NKAIN2: variants seen among roughly 807,000 people sequenced by gnomAD.
The protein encoded by NKAIN2 is sodium/potassium-transporting ATPase subunit beta-1-interacting protein 2.
In NKAIN2, 14 loss-of-function variants were observed where a neutral mutation model predicts 32.6. That is an observed-to-expected ratio of 0.43 (90% CI 0.28 to 0.67). The LOEUF (loss-of-function observed/expected upper bound fraction) is 0.67. Among genes scored for constraint, NKAIN2 ranks in the 30% least tolerant of loss-of-function variants. The pLI is 0.17. For missense variants in NKAIN2, 198 were observed against 258.3 expected, an observed-to-expected ratio of 0.77 and a Z score of 1.60; for synonymous variants, 80 against 87.2, an observed-to-expected ratio of 0.92 and a Z score of 0.46.
At chr6:124,260,689 G>A (rs1402008030) in intron 1 of NKAIN2, among the ~76,000 whole-genome samples, 8 of 152,044 alleles carry the variant, frequency 5.3e-5, no homozygotes, top group Non-Finnish European at 1.2e-4. Flanking sequence ...TTTAGCAGAG[G>A]GGTGACATGA....
chr6:124,744,522 A>G (rs549987794), intron 4 of NKAIN2, among the ~76,000 whole-genome samples: 121 of 151,238 alleles, frequency 8.0e-4, no homozygotes, highest in African/African-American at 2.8e-3. Flanking sequence ...TTTTTTTTTC[A>G]ATTTTCCTTC....
intron 1 of NKAIN2, among the ~76,000 whole-genome samples, chr6:123,836,237 A>G (rs1460780912): frequency 6.6e-6 from 1 of 151,992 alleles, no homozygotes; most frequent in Admixed American, 6.6e-5. Context: ...AAGGGAATTG[A>G]GTAGGCTGGA....
chr6:123,917,496 T>C (rs942589301), intron 1 of NKAIN2, among the ~76,000 whole-genome samples: 1 of 152,210 alleles, frequency 6.6e-6, no homozygotes, highest in African/African-American at 2.4e-5. Flanking sequence ...GTAAAACTTA[T>C]CAATTGAAAT....
intron 2 of NKAIN2, among the ~76,000 whole-genome samples, chr6:124,354,844 G>GAAAA (rs3054410): frequency 1.4e-3 from 139 of 100,738 alleles, no homozygotes; most frequent in African/African-American, 2.7e-3. Context: ...ATAACAGTAA[G>GAAAA]AAAAAAAAAA....
chr6:123,813,144 A>G (rs1773548789), intron 1 of NKAIN2, among the ~76,000 whole-genome samples: 1 of 152,246 alleles, frequency 6.6e-6, no homozygotes, highest in Non-Finnish European at 1.5e-5. Context: ...AACAAAAGTT[A>G]TAAGAACCTC....
At chr6:123,890,863 C>G (rs570553939) in intron 1 of NKAIN2, among the ~76,000 whole-genome samples, 1 of 152,100 alleles carries the variant, frequency 6.6e-6, no homozygotes, top group Non-Finnish European at 1.5e-5. Flanking sequence ...AACAGGGACT[C>G]AAACAAATAC....
chr6:124,656,241 A>G (rs529964712), intron 3 of NKAIN2, among the ~76,000 whole-genome samples: 2 of 152,330 alleles, frequency 1.3e-5, no homozygotes, highest in Non-Finnish European at 2.9e-5. Context: ...GGTTACTTCC[A>G]GATAATAACA....
chr6:124,361,121 G>A (rs534576888), intron 3 of NKAIN2, among the ~76,000 whole-genome samples: 1 of 152,034 alleles, frequency 6.6e-6, no homozygotes, highest in Non-Finnish European at 1.5e-5. Flanking sequence ...TAAGTTGAAA[G>A]TATATAGCAG....
intron 3 of NKAIN2, among the ~76,000 whole-genome samples, chr6:124,473,267 T>C (rs1236112587): frequency 1.3e-5 from 2 of 152,296 alleles, no homozygotes; most frequent in African/African-American, 2.4e-5. Context: ...AGGGCTTCAT[T>C]ATGGGAGATG....
chr6:123,820,787 G>A (rs530774585), intron 1 of NKAIN2, among the ~76,000 whole-genome samples: 5 of 152,102 alleles, frequency 3.3e-5, no homozygotes, highest in South Asian at 4.1e-4. Context: ...CTATTTAGCC[G>A]TACCCCTCAA....
chr6:124,081,981 C>T (rs1174212491), intron 1 of NKAIN2, among the ~76,000 whole-genome samples: 3 of 151,968 alleles, frequency 2.0e-5, no homozygotes, highest in African/African-American at 4.8e-5. Context: ...GGAGTAAATT[C>T]AATCCACCCC....
rs558425089 is a variant in NKAIN2, at chr6:124,575,005, A to G, written c.274-83181A>G. On this transcript the variant is annotated intron_variant, in intron 3 of 6. Coordinates refer to ENST00000368417, the MANE Select transcript of NKAIN2 (RefSeq NM_001040214.3). ...AGTGCCTTGATACCAGTGTATAAAA[A>G]TCTACCACAGGTTTATCTTAGAGAT... Among the ~76,000 whole-genome samples the G allele has an allele frequency of 7.2e-5, 11 of 152,354 alleles. No individual in the cohort carries two copies. The East Asian group carries it at 2.1e-3, about 29-fold the overall frequency.
intron 1 of NKAIN2, among the ~76,000 whole-genome samples, chr6:123,872,899 A>G (rs1180883708): frequency 6.6e-6 from 1 of 152,202 alleles, no homozygotes; most frequent in African/African-American, 2.4e-5. Flanking sequence ...AACACCTAAA[A>G]TTATTATTGG....
intron 3 of NKAIN2, among the ~76,000 whole-genome samples, chr6:124,526,455 T>C (rs1009896807): frequency 4.6e-5 from 7 of 152,134 alleles, no homozygotes; most frequent in African/African-American, 1.7e-4. Context: ...TGGTGAATGC[T>C]TCCAGGTCTT....
chr6:124,217,602 A>G (rs990820723), intron 1 of NKAIN2, among the ~76,000 whole-genome samples: 12 of 152,098 alleles, frequency 7.9e-5, no homozygotes, highest in Non-Finnish European at 1.6e-4. Flanking sequence ...GGTATTTTAA[A>G]CATTTGGTAA....
intron 1 of NKAIN2, among the ~76,000 whole-genome samples, chr6:124,183,593 T>C (rs2114553762): frequency 6.6e-6 from 1 of 152,114 alleles, no homozygotes; most frequent in South Asian, 2.1e-4. Flanking sequence ...ATTGGAATAT[T>C]TTTCTAAAAG....
intron 1 of NKAIN2, among the ~76,000 whole-genome samples, chr6:124,084,188 G>A (rs997594610): frequency 2.0e-5 from 3 of 151,884 alleles, no homozygotes; most frequent in Non-Finnish European, 4.4e-5. Flanking sequence ...CCTAAGTTTA[G>A]GACATTATAT....
intron 3 of NKAIN2, among the ~76,000 whole-genome samples, chr6:124,411,984 G>T (rs1378938487): frequency 1.3e-5 from 2 of 152,104 alleles, no homozygotes; most frequent in Non-Finnish European, 2.9e-5. Flanking sequence ...GGTTACTGAG[G>T]CTTGTGCATT....
intron 4 of NKAIN2, among the ~76,000 whole-genome samples, chr6:124,661,549 T>C (rs142098329): frequency 5.9e-5 from 9 of 152,302 alleles, no homozygotes; most frequent in Middle Eastern, 6.8e-3. Flanking sequence ...ATACATAAGA[T>C]ATCTCCAATC....
Sources: allele counts gnomAD v4.1 joint callset (sites outside exome capture counted in the v4.1 genomes callset), GRCh38; gene constraint gnomAD v4.1.1; transcripts MANE v1.5; gene names NCBI Gene and HGNC (gene_info 2026-07-23, HGNC 2026-07-21).